Variants in DNM3 observed in about 807,000 individuals in gnomAD.
DNM3 encodes the protein dynamin 3, also known as dynamin-3.
A neutral mutation model predicts 101.6 loss-of-function variants in DNM3; 47 were observed. The ratio of observed to expected loss-of-function variants is 0.46; its 90% CI spans 0.37 to 0.59. The LOEUF (loss-of-function observed/expected upper bound fraction) is 0.59, where lower values mean the gene tolerates loss of function less well. DNM3 is among the 20% of genes least tolerant of loss of function. DNM3 has a pLI of 0.00. For synonymous variants in DNM3, 385 were observed against 387.9 expected, an observed-to-expected ratio of 0.99 and a Z score of 0.09; for missense variants, 849 against 1,085.7, an observed-to-expected ratio of 0.78 and a Z score of 3.06.
chr1:172,224,135 C>A (rs536781388), intron 14 of DNM3, among the ~76,000 whole-genome samples: 1 of 152,260 alleles, frequency 6.6e-6, no homozygotes, highest in South Asian at 2.1e-4. Flanking sequence ...TTTTCCTGAC[C>A]TCTATTCAGC....
At chr1:171,984,757 A>G (rs1346005723) in intron 2 of DNM3, among the ~76,000 whole-genome samples, 3 of 152,196 alleles carry the variant, frequency 2.0e-5, no homozygotes, top group African/African-American at 7.2e-5. Context: ...CAATTTCTAA[A>G]ACAGTTCTTG....
intron 11 of DNM3, among the ~76,000 whole-genome samples, chr1:172,080,465 G>A (rs767200337): frequency 6.6e-6 from 1 of 152,160 alleles, no homozygotes; most frequent in Non-Finnish European, 1.5e-5. Context: ...AATGGCAGAC[G>A]CCCCTCCCCC....
chr1:172,230,860 T>C (rs1337213118), intron 14 of DNM3, among the ~76,000 whole-genome samples: 2 of 152,124 alleles, frequency 1.3e-5, no homozygotes, highest in African/African-American at 4.8e-5. Flanking sequence ...TTGGCTTCCA[T>C]AACATTACAT....
intron 14 of DNM3, among the ~76,000 whole-genome samples, chr1:172,144,056 T>C (rs1175561353): frequency 6.6e-6 from 1 of 152,160 alleles, no homozygotes; most frequent in Non-Finnish European, 1.5e-5. Flanking sequence ...TTTAAATCTT[T>C]GAATTATTAT....
chr1:172,304,206 CA>C lies in DNM3; in HGVS notation c.1770-4506del, dbSNP rs575733774. Among the ~76,000 whole-genome samples, 337 of 36,368 alleles carry C rather than the reference CA, an allele frequency of 9.3e-3. 20 individuals carry two copies. The highest frequency in any genetic ancestry group is 0.045 in the East Asian group (67 of 1,474). The allele number at this position is 36,368 out of a possible 152,430, so 23.9% of individuals were successfully genotyped here. Reference sequence around the variant, plus strand: ...GAATATCTACCATGCAAAAGGAAAGCAAAAAAAAAAAAAAAACAGGAGTTGC... The same window carrying C: ...GAATATCTACCATGCAAAAGGAAAGCAAAAAAAAAAAAAAACAGGAGTTGC... On this transcript the variant is annotated intron_variant, in intron 15 of 20. Coordinates refer to ENST00000627582, the MANE Select transcript of DNM3 (RefSeq NM_015569.5).
chr1:172,300,596 A>G (rs1311901428), intron 15 of DNM3, among the ~76,000 whole-genome samples: 1 of 152,232 alleles, frequency 6.6e-6, no homozygotes, highest in East Asian at 1.9e-4. Flanking sequence ...GTACTGGGAT[A>G]ACTGGCTAGC....
intron 17 of DNM3, among the ~76,000 whole-genome samples, chr1:172,374,702 T>A (rs1349907499): frequency 1.3e-5 from 2 of 152,110 alleles, no homozygotes; most frequent in African/African-American, 4.8e-5. Flanking sequence ...TGACGGCCCA[T>A]GCTGCTTTCA....
intron 17 of DNM3, among the ~76,000 whole-genome samples, chr1:172,375,257 A>C (rs1392756575): frequency 6.6e-6 from 1 of 152,040 alleles, no homozygotes; most frequent in Non-Finnish European, 1.5e-5. Flanking sequence ...CAATTGTTTT[A>C]TGTCTGTAAG....
intron 2 of DNM3, chr1:171,987,360 A>T (rs1376462651): frequency 1.0e-6 from 1 of 978,520 alleles, no homozygotes; most frequent in African/African-American, 1.8e-5. Flanking sequence ...TTGCTTTATC[A>T]TTTGGATAGC....
intron 14 of DNM3, among the ~76,000 whole-genome samples, chr1:172,223,112 G>A (rs951941819): frequency 6.6e-6 from 1 of 151,776 alleles, no homozygotes; most frequent in Non-Finnish European, 1.5e-5. Context: ...CTATTTTTAA[G>A]TATACAGTAC....
At chr1:172,113,639 A>C (rs1218022477) in intron 13 of DNM3, among the ~76,000 whole-genome samples, 2 of 151,310 alleles carry the variant, frequency 1.3e-5, no homozygotes, top group Admixed American at 6.6e-5. Flanking sequence ...AAAAAAAAAA[A>C]AAAAACAACT....
intron 4 of DNM3, among the ~76,000 whole-genome samples, chr1:172,006,483 T>G (rs940366654): frequency 1.3e-5 from 2 of 152,118 alleles, no homozygotes; most frequent in African/African-American, 2.4e-5. Flanking sequence ...GTGAATTTAG[T>G]TACTTTAAAA....
chr1:172,095,535 A>C (rs1250154553), intron 13 of DNM3, among the ~76,000 whole-genome samples: 1 of 152,158 alleles, frequency 6.6e-6, no homozygotes, highest in Admixed American at 6.5e-5. Context: ...TGAGCATATG[A>C]TGTTGATTGG....
At chr1:172,347,079 C>A (rs1332180943) in intron 17 of DNM3, among the ~76,000 whole-genome samples, 1 of 152,022 alleles carries the variant, frequency 6.6e-6, no homozygotes, top group Non-Finnish European at 1.5e-5. Flanking sequence ...ACAAGTTTGC[C>A]CCCATTTGAA....
At chr1:172,399,979 A>G (rs1301941662) in intron 20 of DNM3, 2 of 151,998 alleles carry the variant, frequency 1.3e-5, no homozygotes, top group East Asian at 1.9e-4. Flanking sequence ...TTCTAGTTAC[A>G]TAGTTACCCC....
At chr1:172,036,120 G>A (rs2048940291) in intron 6 of DNM3, among the ~76,000 whole-genome samples, 1 of 146,826 alleles carries the variant, frequency 6.8e-6, no homozygotes, top group Admixed American at 6.8e-5. Context: ...TCGTCATTTA[G>A]CATTAGGTAT....
chr1:172,213,657 G>A (rs1196538125), intron 14 of DNM3, among the ~76,000 whole-genome samples: 2 of 151,262 alleles, frequency 1.3e-5, no homozygotes, highest in African/African-American at 2.4e-5. Flanking sequence ...GTGAAACCCC[G>A]TCTCTACTGA....
At chr1:172,124,277 GT>G (rs992380684) in intron 13 of DNM3, among the ~76,000 whole-genome samples, 2 of 152,106 alleles carry the variant, frequency 1.3e-5, no homozygotes, top group African/African-American at 2.4e-5. Flanking sequence ...TTTTTAAGAA[GT>G]TAGCTTTGCC....
At chr1:171,893,636 G>C (rs907654265) in intron 1 of DNM3, among the ~76,000 whole-genome samples, 1 of 151,846 alleles carries the variant, frequency 6.6e-6, no homozygotes, top group Non-Finnish European at 1.5e-5. Context: ...CAATTTTTTT[G>C]TAGAGATGAG....
Sources: allele counts gnomAD v4.1 joint callset (sites outside exome capture counted in the v4.1 genomes callset), GRCh38; gene constraint gnomAD v4.1.1; transcripts MANE v1.5; gene names NCBI Gene and HGNC (gene_info 2026-07-23, HGNC 2026-07-21).